Variants in TNNT2 observed in about 807,000 individuals in gnomAD.
TNNT2 encodes the protein troponin T, cardiac muscle.
In TNNT2, 34 loss-of-function variants were observed where a neutral mutation model predicts 62.4. The ratio of observed to expected loss-of-function variants is 0.54; its 90% CI spans 0.41 to 0.72. The LOEUF is 0.72. TNNT2 is among the 30% of genes least tolerant of loss of function. The probability of loss-of-function intolerance (pLI) is 0.00; values close to 1 mark genes in which losing one functional copy is unlikely to be tolerated. For missense variants in TNNT2, 275 were observed against 381.9 expected (o/e 0.72, Z 2.33); for synonymous variants, 123 against 127.2 (o/e 0.97, Z 0.22).
rs552420069 is a variant in TNNT2 at position 201,359,311 on chromosome 1, C to T, written c.852-56G>A. ...AGACACAGGCAGGGTAGTAGGTCAC[C>T]ATGCGGCTGGGGTAGGACTGGGGTG... On this transcript the variant is annotated intron_variant, in intron 16 of 16. Coordinates refer to ENST00000656932, the MANE Select transcript of TNNT2 (RefSeq NM_001276345.2). 10 of 1,588,148 alleles carry T rather than the reference C, an allele frequency of 6.3e-6. No individual in the cohort carries two copies. The East Asian group carries it at 1.6e-4, about 25-fold the overall frequency.
intron 11 of TNNT2, 109 bp from the exon 12 acceptor site, chr1:201,363,515 C>T: frequency 2.0e-6 from 2 of 1,003,432 alleles, no homozygotes; most frequent in Non-Finnish European, 3.2e-6. Context: ...TCTCTCCGCT[C>T]AGCAAGGAGC....
rs1223784546 is a variant in TNNT2 at position 201,359,706 on chromosome 1, A to C, written c.811-43T>G. ...AGGACAAAGAGCAACGCTGGAGCTG[A>C]CTGGCTCAGGTCCCAGGTGGCCTGG... On this transcript the variant is annotated intron_variant, in intron 15 of 16. Coordinates refer to ENST00000656932, the MANE Select transcript of TNNT2 (RefSeq NM_001276345.2). 24 of 1,561,600 alleles carry C rather than the reference A, an allele frequency of 1.5e-5. 1 individual carries two copies. In the African/African-American group the frequency reaches 1.6e-4, roughly 11 times the overall value.
chr1:201,366,808 C>T, intron 8 of TNNT2, 30 bp downstream of exon 8: 3 of 1,614,126 alleles, frequency 1.9e-6, no homozygotes, highest in Non-Finnish European at 2.5e-6. Context: ...GCCTCTGCTC[C>T]CGGCTCTACC....
At chr1:201,369,724 C>T (rs577344069) in intron 5 of TNNT2, 92 bp downstream of exon 5, 1 of 1,545,822 alleles carries the variant, frequency 6.5e-7, no homozygotes, top group Non-Finnish European at 8.9e-7. Flanking sequence ...CTACTCACAC[C>T]CCCCAGCCCC....
intron 5 of TNNT2, chr1:201,369,321 T>G (rs754014838): frequency 2.1e-6 from 1 of 472,654 alleles, no homozygotes; most frequent in South Asian, 1.5e-5. Flanking sequence ...ATCTGAAGGC[T>G]GACGTCATGT....
chr1:201,366,923 C>T, intron 7 of TNNT2, 52 bp from the exon 8 acceptor site: 1 of 1,613,884 alleles, frequency 6.2e-7, no homozygotes, highest in South Asian at 1.1e-5. Context: ...CAGAAGTGGT[C>T]CCAACTCCGC....
intron 5 of TNNT2, 175 bp from the exon 6 acceptor site, chr1:201,368,402 G>A (rs953176159): frequency 8.5e-6 from 6 of 704,128 alleles, no homozygotes; most frequent in South Asian, 3.0e-5. Context: ...TTTGACTGTC[G>A]GCTACCTCCC....
chr1:201,365,778 C>T (rs896577640), intron 8 of TNNT2, 108 bp from the exon 9 acceptor site: 1 of 1,553,982 alleles, frequency 6.4e-7, no homozygotes, highest in Non-Finnish European at 8.7e-7. Flanking sequence ...TCCAGCACTG[C>T]CCCGACCAAC....
chr1:201,364,375 C>A lies in TNNT2; in HGVS notation c.412G>T (p.Glu138Ter). ...TCGGCCCGCTCTGCCCGACGTCTCT[C>A]CTAAGGAGAAGAGGCAAAGCCCACC... is the stretch of plus-strand genomic sequence containing the variant. ...EELVSLKDRIERRRAERAEQQ... is the reference protein window; with the variant it reads ...EELVSLKDRI The change falls in exon 11 of 17, where the codon GAG becomes TAG. Residue 138 changes from glutamate to a stop codon, truncating the protein, a stop_gained and splice_region_variant. Coordinates refer to ENST00000656932, the MANE Select transcript of TNNT2 (RefSeq NM_001276345.2). LOFTEE classifies it high-confidence loss of function. 1 of 1,612,482 alleles carries A rather than the reference C, an allele frequency of 6.2e-7. No homozygotes were observed.
intron 9 of TNNT2, 80 bp downstream of exon 9, chr1:201,365,530 A>C: frequency 6.6e-7 from 1 of 1,510,620 alleles, no homozygotes; most frequent in Non-Finnish European, 9.2e-7. Context: ...ACCCCAGCCC[A>C]AGGTCACAAA....
chr1:201,365,381 C>T, intron 9 of TNNT2, 74 bp from the exon 10 acceptor site: 1 of 1,375,108 alleles, frequency 7.3e-7, no homozygotes, highest in Non-Finnish European at 1.0e-6. Flanking sequence ...GGCTAGACAC[C>T]CCCCAACGCA....
chr1:201,369,756 G>C (rs1660329898), intron 5 of TNNT2, 60 bp downstream of exon 5: 1 of 1,609,626 alleles, frequency 6.2e-7, no homozygotes, highest in East Asian at 2.2e-5. Flanking sequence ...CCCTGGACAA[G>C]GAGGCTGCAC....
Position 201,359,134 on chromosome 1 carries a change from G to T in TNNT2, c.*76C>A. On this transcript the variant is annotated 3_prime_UTR_variant, in exon 17 of 17. Transcript: ENST00000656932. ...AGGAGCTGCCTGGGGTGCCCAGGAGGGCCCGGGAACTGGGGGAGTGCAGGC... is the reference window on the plus strand; with the variant it reads ...AGGAGCTGCCTGGGGTGCCCAGGAGTGCCCGGGAACTGGGGGAGTGCAGGC... 3 of 1,556,278 alleles carry T rather than the reference G, an allele frequency of 1.9e-6. No individual in the cohort carries two copies. Among genetic ancestry groups the T allele is most frequent in the Non-Finnish European group, 2.6e-6 (3 of 1,145,940 alleles).
intron 6 of TNNT2, 41 bp downstream of exon 6, chr1:201,368,121 G>T: frequency 6.2e-7 from 1 of 1,606,000 alleles, no homozygotes; most frequent in Non-Finnish European, 8.5e-7. Flanking sequence ...AGGGGCTCTC[G>T]CCACCCCCTG....
At position 201,365,418 on chromosome 1, in the gene TNNT2, G is replaced by T. The variant is rs1659481368; in HGVS notation, c.295-111C>A. The T allele has an allele frequency of 1.1e-5, 13 of 1,224,130 alleles. No homozygotes were observed. The East Asian group carries it at 3.0e-4, about 28-fold the overall frequency. 75.8% of individuals were successfully genotyped at this position (1,224,130 alleles called of 1,614,324 possible). A position where few individuals can be genotyped will look rare whatever the true frequency, so the allele number is the denominator to read the frequency against. Reference sequence around the variant, plus strand: ...TGCAAAAGACCTCTGGCAGGGCCTGGCGCCTGGCCAGGGAAGGGGTAACTG... The same window carrying T: ...TGCAAAAGACCTCTGGCAGGGCCTGTCGCCTGGCCAGGGAAGGGGTAACTG... On this transcript the variant is annotated intron_variant, in intron 9 of 16. Coordinates refer to ENST00000656932, the MANE Select transcript of TNNT2 (RefSeq NM_001276345.2).
intron 13 of TNNT2, 152 bp from the exon 14 acceptor site, chr1:201,362,174 T>C (rs1270822833): frequency 2.9e-5 from 34 of 1,170,740 alleles, no homozygotes; most frequent in Middle Eastern, 2.3e-4. Flanking sequence ...ACCAACTACA[T>C]GTATTCCCTA....
intron 7 of TNNT2, chr1:201,367,531 G>A: frequency 1.6e-6 from 1 of 621,560 alleles, no homozygotes. Flanking sequence ...CAGACCAGGG[G>A]GCTGGACAAT....
At chr1:201,368,440 G>A (rs767803250) in intron 5 of TNNT2, 22 of 638,642 alleles carry the variant, frequency 3.4e-5, no homozygotes, top group East Asian at 6.5e-5. Context: ...CACTCATCCC[G>A]GCAACCTCCC....
At chr1:201,372,207 C>T (rs1223406673) in intron 2 of TNNT2, 52 bp from the exon 3 acceptor site, 4 of 1,613,042 alleles carry the variant, frequency 2.5e-6, no homozygotes, top group Middle Eastern at 1.7e-4. Flanking sequence ...CACATGCAAA[C>T]ACACACGCCT....
Sources: allele counts gnomAD v4.1 joint callset, GRCh38; gene constraint gnomAD v4.1.1; transcripts MANE v1.5; gene names NCBI Gene and HGNC (gene_info 2026-07-23, HGNC 2026-07-21).